Variants in RAB2A observed in about 807,000 individuals in gnomAD.
RAB2A encodes ras-related protein Rab-2A.
In RAB2A, 7 loss-of-function variants were observed where a neutral mutation model predicts 32.5. The observed-to-expected ratio is 0.22, with a 90% CI of 0.12 to 0.40. RAB2A has a LOEUF of 0.40. Ranked by LOEUF, RAB2A falls within the 10% of genes least tolerant of loss-of-function variation. The pLI, the probability that RAB2A is intolerant of heterozygous loss-of-function variation, is 1.00. For synonymous variants in RAB2A, 79 were observed against 85.2 expected, an observed-to-expected ratio of 0.93 and a Z score of 0.40; for missense variants, 108 against 260.7, an observed-to-expected ratio of 0.41 and a Z score of 4.03.
At chr8:60,574,661 G>T (rs1235651055) in intron 3 of RAB2A, among the ~76,000 whole-genome samples, 2 of 152,120 alleles carry the variant, frequency 1.3e-5, no homozygotes, top group African/African-American at 4.8e-5. Context: ...CTAGTTGTCT[G>T]TTTTGTAGAT....
chr8:60,613,594 G>A (rs528352972), intron 6 of RAB2A, among the ~76,000 whole-genome samples: 4 of 152,164 alleles, frequency 2.6e-5, no homozygotes, highest in Non-Finnish European at 5.9e-5. Context: ...AAGTGGTACT[G>A]GGGTTTGATC....
chr8:60,596,012 T>C (rs548710005), intron 6 of RAB2A, among the ~76,000 whole-genome samples: 1 of 152,258 alleles, frequency 6.6e-6, no homozygotes, highest in East Asian at 1.9e-4. Flanking sequence ...AAAAACACAT[T>C]GAACTGAATG....
chr8:60,560,170 G>A lies in RAB2A; in HGVS notation c.118+1247G>A, dbSNP rs183701176. Reference sequence around the variant, plus strand: ...GGTGGTGCAATCACAGCTCACTGCAGCCCCCAAATCCCTGGCTCATTATCT... The same window carrying A: ...GGTGGTGCAATCACAGCTCACTGCAACCCCCAAATCCCTGGCTCATTATCT... On this transcript the variant is annotated intron_variant, in intron 2 of 7. Transcript: ENST00000262646. Among the ~76,000 whole-genome samples the A allele has an allele frequency of 4.6e-5, 7 of 152,232 alleles. No individual in the cohort carries two copies. The East Asian group carries it at 1.4e-3, about 29-fold the overall frequency.
chr8:60,535,879 T>A (rs938574637), intron 1 of RAB2A, among the ~76,000 whole-genome samples: 1 of 152,214 alleles, frequency 6.6e-6, no homozygotes, highest in South Asian at 2.1e-4. Context: ...AAGTTCTAGA[T>A]AGGAGTATCT....
intron 1 of RAB2A, among the ~76,000 whole-genome samples, chr8:60,525,531 A>T (rs1308371798): frequency 1.3e-5 from 2 of 152,166 alleles, no homozygotes; most frequent in Non-Finnish European, 2.9e-5. Flanking sequence ...TCTTGATTAC[A>T]GGGTGGTCTG....
chr8:60,528,610 G>A (rs539926380), intron 1 of RAB2A, among the ~76,000 whole-genome samples: 10 of 152,088 alleles, frequency 6.6e-5, no homozygotes, highest in South Asian at 2.1e-4. Context: ...CTGTGTTGGC[G>A]TTTTTATTTG....
intron 1 of RAB2A, among the ~76,000 whole-genome samples, chr8:60,550,594 C>A (rs1224670206): frequency 6.6e-6 from 1 of 151,984 alleles, no homozygotes; most frequent in African/African-American, 2.4e-5. Context: ...ACCATGTAGT[C>A]CAGGCTGGTC....
At chr8:60,519,682 C>G (rs1807271782) in intron 1 of RAB2A, among the ~76,000 whole-genome samples, 1 of 152,132 alleles carries the variant, frequency 6.6e-6, no homozygotes, top group Non-Finnish European at 1.5e-5. Flanking sequence ...TTATATACTT[C>G]TTGAAGTCAG....
chr8:60,566,657 T>C (rs1808118633), intron 2 of RAB2A, among the ~76,000 whole-genome samples: 1 of 152,204 alleles, frequency 6.6e-6, no homozygotes, highest in Admixed American at 6.5e-5. Flanking sequence ...GTTTGTTACA[T>C]GAGTATATTG....
At position 60,572,075 on chromosome 8, in the gene RAB2A, A is replaced by G. The variant is rs1260222034; in HGVS notation, c.148A>G (p.Ile50Val). Reference protein sequence around the residue: ...GVEFGARMITIDGKQIKLQIW... With the variant: ...GVEFGARMITVDGKQIKLQIW... ...AGAGTTCGGTGCTCGAATGATAACT[A>G]TTGATGGGAAACAGATAAAACTTCA... Residue 50 changes from isoleucine (I) to valine (V), a missense_variant, in exon 3 of 8, where the codon ATT becomes GTT. Coordinates refer to ENST00000262646, the MANE Select transcript of RAB2A (RefSeq NM_002865.3). The G allele has an allele frequency of 1.2e-6, 2 of 1,605,622 alleles. No homozygotes were observed. Among genetic ancestry groups the G allele is most frequent in the Non-Finnish European group, 8.5e-7 (1 of 1,174,842 alleles).
At chr8:60,570,438 CT>C (rs1288441290) in intron 2 of RAB2A, among the ~76,000 whole-genome samples, 1 of 152,070 alleles carries the variant, frequency 6.6e-6, no homozygotes, top group Non-Finnish European at 1.5e-5. Flanking sequence ...ACATCTGTAT[CT>C]TACTTAGCAG....
intron 7 of RAB2A, among the ~76,000 whole-genome samples, chr8:60,620,343 T>TG (rs148937537): frequency 8.5e-4 from 130 of 152,360 alleles, no homozygotes; most frequent in African/African-American, 2.9e-3. Flanking sequence ...GCATGGGCTT[T>TG]GGGTATTTTT....
intron 5 of RAB2A, among the ~76,000 whole-genome samples, chr8:60,588,745 A>G (rs777032427): frequency 4.6e-5 from 7 of 152,218 alleles, no homozygotes; most frequent in Non-Finnish European, 8.8e-5. Context: ...GGGCTTACAT[A>G]TCTTAAAACT....
Position 60,582,370 on chromosome 8 carries a change from A to G in RAB2A, c.187-1838A>G, listed in dbSNP as rs188778003. Among the ~76,000 whole-genome samples, 25 of 152,252 alleles carry G rather than the reference A, an allele frequency of 1.6e-4. No individual in the cohort carries two copies. In the East Asian group the frequency reaches 3.1e-3, roughly 19 times the overall value. On this transcript the variant is annotated intron_variant, in intron 3 of 7. Coordinates refer to ENST00000262646, the MANE Select transcript of RAB2A (RefSeq NM_002865.3). ...AAATTGCCTACCCAAGAGAGGGTCT[A>G]ATTGTTATTTTCCACATAGGAGAAG... is the stretch of plus-strand genomic sequence containing the variant.
At chr8:60,550,270 A>G (rs555738732) in intron 1 of RAB2A, among the ~76,000 whole-genome samples, 2 of 131,278 alleles carry the variant, frequency 1.5e-5, no homozygotes, top group East Asian at 2.2e-4. Flanking sequence ...CTGTCAACAC[A>G]TTCTCTTGGC....
intron 1 of RAB2A, among the ~76,000 whole-genome samples, chr8:60,525,322 C>G (rs965704739): frequency 6.6e-6 from 1 of 152,128 alleles, no homozygotes; most frequent in Non-Finnish European, 1.5e-5. Context: ...TTTCTCCTGC[C>G]GCCACGTAAT....
rs1025722080 is a variant in RAB2A, at chr8:60,622,182, A to G, written c.*1413A>G. 2 of 152,236 alleles carry G rather than the reference A, an allele frequency of 1.3e-5. No individual in the cohort carries two copies. The highest frequency in any genetic ancestry group is 4.8e-5 in the African/African-American group (2 of 41,470). The allele number at this position is 152,236 out of a possible 1,614,324, so 9.4% of individuals were successfully genotyped here. A position where few individuals can be genotyped will look rare whatever the true frequency, so the allele number is the denominator to read the frequency against. On this transcript the variant is annotated 3_prime_UTR_variant, in exon 8 of 8. Coordinates refer to ENST00000262646, the MANE Select transcript of RAB2A (RefSeq NM_002865.3). ...CTGAAATTATTTTTGTTGATGGTGT[A>G]AGCAGTGTAAGCAAGTGTTTTCTCC...
intron 1 of RAB2A, among the ~76,000 whole-genome samples, chr8:60,545,653 C>T (rs1421974304): frequency 1.3e-5 from 2 of 152,150 alleles, no homozygotes; most frequent in Admixed American, 6.5e-5. Context: ...ATTCAGCTCT[C>T]ACAATGGTGT....
chr8:60,608,163 A>G (rs1322236873), intron 6 of RAB2A, among the ~76,000 whole-genome samples: 1 of 152,222 alleles, frequency 6.6e-6, no homozygotes, highest in African/African-American at 2.4e-5. Flanking sequence ...ATAAAAAAGT[A>G]ATTGCATGAA....
Sources: allele counts gnomAD v4.1 joint callset (sites outside exome capture counted in the v4.1 genomes callset), GRCh38; gene constraint gnomAD v4.1.1; transcripts MANE v1.5; gene names NCBI Gene and HGNC (gene_info 2026-07-23, HGNC 2026-07-21).